GMEB1: variants seen among roughly 807,000 people sequenced by gnomAD.
GMEB1 encodes the protein glucocorticoid modulatory element binding protein 1.
In GMEB1, 6 loss-of-function variants were observed where a neutral mutation model predicts 52.4. That is an observed-to-expected ratio of 0.11 (90% CI 0.06 to 0.23). The LOEUF (loss-of-function observed/expected upper bound fraction) is 0.23. Among genes scored for constraint, GMEB1 ranks in the 10% least tolerant of loss-of-function variants. The probability of loss-of-function intolerance (pLI) is 1.00; values close to 1 mark genes in which losing one functional copy is unlikely to be tolerated. For missense variants in GMEB1, 486 were observed against 685.6 expected (o/e 0.71, Z 3.25); for synonymous variants, 255 against 244.9 (o/e 1.04, Z -0.38).
chr1:28,683,257 C>T (rs1570391997), intron 1 of GMEB1, among the ~76,000 whole-genome samples: 1 of 151,664 alleles, frequency 6.6e-6, no homozygotes, highest in East Asian at 1.9e-4. Flanking sequence ...CGGAATTTCA[C>T]TCTTGTTGCC....
In GMEB1 at chr1:28,690,205, T is replaced by G. The variant is rs755986314; in HGVS notation, c.211+19T>G. 0.06 allele frequency: 36,012 copies of G among 602,590 alleles called. 611 individuals are homozygous for G. The highest frequency in any genetic ancestry group is 0.19 in the East Asian group (3,773 of 19,620). The allele number at this position is 602,590 out of a possible 1,614,324, so 37.3% of individuals were successfully genotyped here. On this transcript the variant is annotated intron_variant, in intron 3 of 9. Transcript: ENST00000373816. ...GGGATTGGTAAGGGTTTTTTTGTGT[T>G]TTTTTTTTTTTTTTTTTTTGTCATT...
chr1:28,702,734 G>T (rs1670574679), intron 7 of GMEB1, among the ~76,000 whole-genome samples, 165 bp downstream of exon 7: 1 of 152,074 alleles, frequency 6.6e-6, no homozygotes, highest in Non-Finnish European at 1.5e-5. Flanking sequence ...CAATAGCCCT[G>T]CATAGTCACA....
Position 28,714,691 on chromosome 1 carries a change from G to A in GMEB1, c.1610G>A (p.Arg537Lys). ...GCAGTCATCTTGGAGACAGAGCTGA[G>A]GACTGAGGAGAAAGTTGTGGCTGAG... ...GKAVILETEL[R>K]TEEKVVAEME... The change falls in exon 10 of 10, where the codon AGG becomes AAG. Residue 537 changes from arginine to lysine, a missense_variant. By Grantham distance (26) the Arg-to-Lys change is conservative (BLOSUM62 2). This residue lies in a region of GMEB1 where 153 missense variants were observed against 200.8 expected (regional missense o/e 0.76). Transcript: ENST00000373816. 6.2e-7 allele frequency: 1 copy of A among 1,614,084 alleles called. No homozygotes were observed. The highest frequency in any genetic ancestry group is 8.5e-7 in the Non-Finnish European group (1 of 1,180,012).
intron 8 of GMEB1, among the ~76,000 whole-genome samples, chr1:28,706,598 C>T (rs986090788): frequency 3.1e-5 from 4 of 130,712 alleles, no homozygotes; most frequent in Non-Finnish European, 7.2e-5. Context: ...AGCGAGAGTC[C>T]GTCTCAAAAA....
At chr1:28,668,461 TC>T (rs1297710035), upstream of GMEB1, among the ~76,000 whole-genome samples, 1 of 151,862 alleles carries the variant, frequency 6.6e-6, no homozygotes, top group Non-Finnish European at 1.5e-5. Context: ...TGGAGTAGAG[TC>T]CTCCAGAGGA....
At chr1:28,710,687 T>A (rs1671015266) in intron 9 of GMEB1, 45 bp downstream of exon 9, 1 of 1,344,174 alleles carries the variant, frequency 7.4e-7, no homozygotes, top group African/African-American at 1.5e-5. Context: ...CATGCTAATA[T>A]TCTTGTCTTC....
At chr1:28,682,224 C>G (rs1669422195) in intron 1 of GMEB1, among the ~76,000 whole-genome samples, 1 of 152,044 alleles carries the variant, frequency 6.6e-6, no homozygotes, top group Non-Finnish European at 1.5e-5. Flanking sequence ...CTTGGAGTAA[C>G]TTTAGAGTCA....
At chr1:28,685,478 A>G (rs1330123291) in intron 2 of GMEB1, among the ~76,000 whole-genome samples, 1 of 152,316 alleles carries the variant, frequency 6.6e-6, no homozygotes, top group African/African-American at 2.4e-5. Context: ...GAAAGAATAC[A>G]ATAATGTAGA....
chr1:28,686,262 G>A (rs1024434491), intron 2 of GMEB1, among the ~76,000 whole-genome samples: 1 of 152,022 alleles, frequency 6.6e-6, no homozygotes, highest in African/African-American at 2.4e-5. Flanking sequence ...GATCACCTGA[G>A]CCTAGGAGAT....
chr1:28,694,702 T>C (rs1670118574), intron 5 of GMEB1, among the ~76,000 whole-genome samples: 1 of 151,646 alleles, frequency 6.6e-6, no homozygotes, highest in Non-Finnish European at 1.5e-5. Context: ...GGGATCTTGC[T>C]GTGTCGCCCA....
At chr1:28,673,145 C>T (rs759818078) in intron 1 of GMEB1, among the ~76,000 whole-genome samples, 73 of 152,254 alleles carry the variant, frequency 4.8e-4, no homozygotes, top group Non-Finnish European at 9.0e-4. Context: ...CCGCCTGCCT[C>T]GGCCTCCCGA....
In GMEB1 at chr1:28,683,575, C is replaced by G. The variant is rs183408560; in HGVS notation, c.-30-8C>G. ...GATTAAGTTATTGGTGCTTCTTGTT[C>G]CCGACAGCAGTCCCAGCTATCTGAC... is the stretch of plus-strand genomic sequence containing the variant. On this transcript the variant is annotated splice_region_variant and splice_polypyrimidine_tract_variant and intron_variant, in intron 1 of 9. Transcript: ENST00000373816. 1.2e-4 allele frequency: 191 copies of G among 1,574,296 alleles called. 1 individual carries two copies. The African/African-American group carries it at 2.3e-3, about 19-fold the overall frequency.
intron 1 of GMEB1, among the ~76,000 whole-genome samples, chr1:28,669,082 C>G (rs1285951795): frequency 6.8e-6 from 1 of 147,814 alleles, no homozygotes; most frequent in Non-Finnish European, 1.5e-5. Context: ...GCCGCCGGGC[C>G]GCCCCCAGCG....
chr1:28,694,514 A>C (rs1175965161), intron 5 of GMEB1, among the ~76,000 whole-genome samples: 2 of 123,988 alleles, frequency 1.6e-5, no homozygotes, highest in Non-Finnish European at 3.6e-5. Context: ...TAAAAAGAGC[A>C]ATTGAAAAAA....
intron 7 of GMEB1, 28 bp downstream of exon 7, chr1:28,702,597 T>C (rs1455400586): frequency 1.2e-6 from 2 of 1,605,118 alleles, no homozygotes; most frequent in Admixed American, 1.7e-5. Context: ...TCAGATGTCT[T>C]GCAGGGTCTT....
chr1:28,707,900 A>AT (rs772064148), intron 8 of GMEB1, among the ~76,000 whole-genome samples: 330 of 143,992 alleles, frequency 2.3e-3, no homozygotes, highest in Middle Eastern at 0.014. Context: ...AATACTGACA[A>AT]TTTTTTTTTT....
At chr1:28,696,258 G>A (rs1164843094) in intron 5 of GMEB1, among the ~76,000 whole-genome samples, 1 of 151,884 alleles carries the variant, frequency 6.6e-6, no homozygotes, top group Non-Finnish European at 1.5e-5. Flanking sequence ...ATAGAAATGT[G>A]GTTTCACCAT....
rs1429603036 is a variant in GMEB1, at chr1:28,719,169, C to G, written c.*4396C>G. 6.6e-6 allele frequency: 1 copy of G among 152,282 alleles called. No individual in the cohort carries two copies. Among genetic ancestry groups the G allele is most frequent in the East Asian group, 1.9e-4 (1 of 5,200 alleles). The allele number at this position is 152,282 out of a possible 1,614,324, so 9.4% of individuals were successfully genotyped here. A position where few individuals can be genotyped will look rare whatever the true frequency, so the allele number is the denominator to read the frequency against. On this transcript the variant is annotated 3_prime_UTR_variant, in exon 10 of 10. Transcript: ENST00000373816. ...AAGGGTAAATGCCCCCAAAGCCTTC[C>G]TGCCATATGGTTTCCACGAAGGCCT...
rs61127323 is a variant in GMEB1 at position 28,691,804 on chromosome 1, TTTTATTTATTTATTTA to T, written c.336+127_336+142del. 1,019 of 238,738 alleles carry T rather than the reference TTTTATTTATTTATTTA, an allele frequency of 4.3e-3. 13 individuals carry two copies. Among genetic ancestry groups the T allele is most frequent in the Non-Finnish European group, 6.4e-3 (776 of 121,840 alleles). The allele number at this position is 238,738 out of a possible 1,614,324, so 14.8% of individuals were successfully genotyped here. ...TCCTTTTTATCTTCCACTATATCAGTTTTATTTATTTATTTATTTATTTATTTATTTATTTATTTAT... is the reference window on the plus strand; with the variant it reads ...TCCTTTTTATCTTCCACTATATCAGTTTTATTTATTTATTTATTTATTTAT... On this transcript the variant is annotated intron_variant, in intron 4 of 9. Transcript: ENST00000373816.
Sources: allele counts gnomAD v4.1 joint callset (sites outside exome capture counted in the v4.1 genomes callset), GRCh38; gene constraint gnomAD v4.1.1; regional missense constraint gnomAD v4.1.1; transcripts MANE v1.5; gene names NCBI Gene and HGNC (gene_info 2026-07-23, HGNC 2026-07-21).